PIGR: variants seen among roughly 807,000 people sequenced by gnomAD.
PIGR encodes hepatocellular carcinoma associated protein TB6.
In PIGR, 22 loss-of-function variants were observed where a neutral mutation model predicts 69.5. The observed-to-expected ratio is 0.32, with a 90% CI of 0.23 to 0.45. PIGR has a LOEUF of 0.45. PIGR is among the 20% of genes least tolerant of loss of function. PIGR has a pLI of 1.00. For synonymous variants in PIGR, 413 were observed against 407.6 expected (o/e 1.01, Z -0.16); for missense variants, 885 against 974.0 (o/e 0.91, Z 1.22).
intron 3 of PIGR, among the ~76,000 whole-genome samples, chr1:206,938,619 G>T (rs529331494): frequency 3.3e-5 from 5 of 152,000 alleles, no homozygotes; most frequent in Admixed American, 2.6e-4. Flanking sequence ...TTGGTCTTTG[G>T]TCAAGATCTA....
rs1158792889 is a variant in PIGR, at chr1:206,931,658, G to A, written c.2140+13C>T. 4 of 1,614,122 alleles carry A rather than the reference G, an allele frequency of 2.5e-6. No homozygotes were observed. The highest frequency in any genetic ancestry group is 3.4e-6 in the Non-Finnish European group (4 of 1,180,018). On this transcript the variant is annotated intron_variant, in intron 9 of 10. Coordinates refer to ENST00000356495, the MANE Select transcript of PIGR (RefSeq NM_002644.4). ...CCCCAGGGGCTGAGCATTCCCTTGA[G>A]TGAGGGTCATACCTTCTTTTCCTCC...
chr1:206,937,807 G>A, intron 3 of PIGR, 56 bp from the exon 4 acceptor site: 1 of 1,500,984 alleles, frequency 6.7e-7, no homozygotes, highest in South Asian at 1.2e-5. Context: ...CTACTTTCTT[G>A]CAACATAGGA....
At position 206,933,121 on chromosome 1, in the gene PIGR, T is replaced by G. The variant is rs1460939938; in HGVS notation, c.1751A>C (p.Glu584Ala). The change falls in exon 7 of 11, where the codon GAG becomes GCG. Residue 584 changes from glutamate to alanine, a missense_variant. Physicochemically the swap from Glu to Ala is moderately radical, Grantham distance 107. Coordinates refer to ENST00000356495, the MANE Select transcript of PIGR (RefSeq NM_002644.4). ...SLAKADAAPD[E>A]KVLDSGFREI... ...CCGAAAACCAGAGTCTAGCACCTTC[T>G]CATCAGGAGCAGCGTCTGCCTTCGC... 2 of 1,614,172 alleles carry G rather than the reference T, an allele frequency of 1.2e-6. No homozygotes were observed. The highest frequency in any genetic ancestry group is 2.2e-5 in the South Asian group (2 of 91,086).
At position 206,937,442 on chromosome 1, in the gene PIGR, G is replaced by A; in HGVS notation, c.698C>T (p.Ala233Val). ...CTCGGGCTTTAGCACTTGGAGGTCAGCATTCTTCTTATTACTATTGGAATC... is the reference window on the plus strand; with the variant it reads ...CTCGGGCTTTAGCACTTGGAGGTCAACATTCTTCTTATTACTATTGGAATC... ...GDDSNSNKKNADLQVLKPEPE... is the reference protein window; with the variant it reads ...GDDSNSNKKNVDLQVLKPEPE... Residue 233 changes from alanine (A) to valine (V), a missense_variant, in exon 4 of 11, where the codon GCT becomes GTT. Ala to Val is a moderately conservative substitution (Grantham distance 64). Transcript: ENST00000356495. 6.2e-7 allele frequency: 1 copy of A among 1,614,160 alleles called. No homozygotes were observed. Among genetic ancestry groups the A allele is most frequent in the Non-Finnish European group, 8.5e-7 (1 of 1,180,018 alleles).
chr1:206,932,900 G>C (rs1679784909), intron 7 of PIGR, 86 bp downstream of exon 7: 1 of 1,359,186 alleles, frequency 7.4e-7, no homozygotes, highest in Non-Finnish European at 1.0e-6. Context: ...AGACAGATGG[G>C]CTTTCCTCCT....
chr1:206,940,153 T>C (rs1386346386), intron 2 of PIGR, among the ~76,000 whole-genome samples: 1 of 152,172 alleles, frequency 6.6e-6, no homozygotes, highest in East Asian at 1.9e-4. Context: ...CAGATAAAAA[T>C]ATTGAGAGCC....
At position 206,935,990 on chromosome 1, in the gene PIGR, C is replaced by A. The variant is rs570271394; in HGVS notation, c.1046-172G>T. Among the ~76,000 whole-genome samples the A allele has an allele frequency of 1.3e-5, 2 of 152,288 alleles. No individual in the cohort carries two copies. The highest frequency in any genetic ancestry group is 4.8e-5 in the African/African-American group (2 of 41,566). On this transcript the variant is annotated intron_variant, in intron 4 of 10. Coordinates refer to ENST00000356495, the MANE Select transcript of PIGR (RefSeq NM_002644.4). This position sits in a 1 kb window ranked among gnomAD's most constrained non-coding sequence, Gnocchi z 4.4. ...AGCTTTCCTAATGTCACAGAGCCTGCAGCTGGAGCCATCAGGGCCAGACTC... is the reference window on the plus strand; with the variant it reads ...AGCTTTCCTAATGTCACAGAGCCTGAAGCTGGAGCCATCAGGGCCAGACTC...
chr1:206,931,726 A>C lies in PIGR; in HGVS notation c.2085T>G (p.Asn695Lys), dbSNP rs771582432. ...DFENSREFGANDNMGASSITQ... is the reference protein window; with the variant it reads ...DFENSREFGAKDNMGASSITQ... ...TGATCGAAGAGGCTCCCATGTTGTC[A>C]TTGGCTCCAAATTCCCTGGAGTTCT... The change falls in exon 9 of 11, where the codon AAT becomes AAG. Residue 695 changes from asparagine to lysine, a missense_variant. Transcript: ENST00000356495. 6.2e-7 allele frequency: 1 copy of C among 1,614,034 alleles called. No individual in the cohort carries two copies. Among genetic ancestry groups the C allele is most frequent in the East Asian group, 2.2e-5 (1 of 44,868 alleles).
intron 7 of PIGR, 79 bp from the exon 8 acceptor site, chr1:206,932,656 T>G: frequency 6.8e-7 from 1 of 1,472,978 alleles, no homozygotes; most frequent in Non-Finnish European, 9.1e-7. Context: ...GTTGGCTTAG[T>G]CCTTTTTCCT....
At chr1:206,943,115 A>C (rs1200689536) in intron 1 of PIGR, among the ~76,000 whole-genome samples, 1 of 152,218 alleles carries the variant, frequency 6.6e-6, no homozygotes, top group Non-Finnish European at 1.5e-5. Flanking sequence ...GGCTGGATTT[A>C]AAGGATTTGC....
At chr1:206,933,288 T>C (rs2102597837) in intron 6 of PIGR, 122 bp from the exon 7 acceptor site, 3 of 911,204 alleles carry the variant, frequency 3.3e-6, no homozygotes, top group East Asian at 2.6e-5. Context: ...CTCAAGGCTG[T>C]TGGGGTAGGA....
Position 206,934,526 on chromosome 1 carries a change from C to T in PIGR, c.1599G>A (p.Leu533=), listed in dbSNP as rs1438948601. 6.2e-7 allele frequency: 1 copy of T among 1,614,244 alleles called. No individual in the cohort carries two copies. Among genetic ancestry groups the T allele is most frequent in the Admixed American group, 1.7e-5 (1 of 60,032 alleles). Residue 533 remains leucine, a synonymous_variant, in exon 6 of 11, where the codon CTG becomes CTA. Transcript: ENST00000356495. ...ACCAGCCCTCATCAGCCCTGGTCAC[C>T]AGGTTCAGGGTCAGGGAGACAAGCC... The part of the protein sequence containing the change: ...NSRLVSLTLN[L]VTRADEGWYW...
intron 7 of PIGR, 47 bp downstream of exon 7, chr1:206,932,939 C>T (rs371435753): frequency 3.0e-5 from 48 of 1,588,244 alleles, no homozygotes; most frequent in Non-Finnish European, 3.5e-5. Context: ...CTCAGGTGCT[C>T]GGCTCTGGGG....
At position 206,937,283 on chromosome 1, in the gene PIGR, A is replaced by G. The variant is rs898820148; in HGVS notation, c.857T>C (p.Leu286Pro). The part of the protein sequence containing the change: ...GENCDVVVNT[L>P]GKRAPAFEGR... ...CTCAAAGGCTGGGGCCCTCTTCCCC[A>G]GGGTGTTGACGACCACGTCACAGTT... is the stretch of plus-strand genomic sequence containing the variant. Residue 286 changes from leucine to proline, a missense_variant, in exon 4 of 11, where the codon CTG (leucine) becomes CCG (proline). Leu to Pro is a moderately conservative substitution (Grantham distance 98). Transcript: ENST00000356495. 1 of 1,613,582 alleles carries G rather than the reference A, an allele frequency of 6.2e-7. No individual in the cohort carries two copies. Among genetic ancestry groups the G allele is most frequent in the Non-Finnish European group, 8.5e-7 (1 of 1,179,766 alleles).
intron 2 of PIGR, 36 bp from the exon 3 acceptor site, chr1:206,939,499 T>A (rs1463556163): frequency 6.7e-7 from 1 of 1,484,604 alleles, no homozygotes; most frequent in Admixed American, 1.8e-5. Context: ...TCTGAGGCCC[T>A]TGGGAGGTAA....
intron 7 of PIGR, 103 bp from the exon 8 acceptor site, chr1:206,932,680 A>C: frequency 7.4e-7 from 1 of 1,349,632 alleles, no homozygotes; most frequent in South Asian, 1.5e-5. Context: ...AGGTTTATCC[A>C]CCCCACCCTG....
In PIGR at chr1:206,934,682, G is replaced by A; in HGVS notation, c.1443C>T (p.Pro481=). 1 of 1,613,478 alleles carries A rather than the reference G, an allele frequency of 6.2e-7. No homozygotes were observed. The highest frequency in any genetic ancestry group is 8.5e-7 in the Non-Finnish European group (1 of 1,180,016). The change falls in exon 6 of 11, where the codon CCC becomes CCT. Residue 481 remains proline, a synonymous_variant. Coordinates refer to ENST00000356495, the MANE Select transcript of PIGR (RefSeq NM_002644.4). ...AGGAGAATTTGCATGGAAAGTGACA[G>A]GGGACCTTGAGAGTCTCTCCCAGCA... The part of the protein sequence containing the change: ...TAVLGETLKV[P]CHFPCKFSSY...
At chr1:206,944,067 C>T (rs535652065) in intron 1 of PIGR, among the ~76,000 whole-genome samples, 89 of 152,280 alleles carry the variant, frequency 5.8e-4, no homozygotes, top group African/African-American at 1.9e-3. Flanking sequence ...AGAGGGTCTT[C>T]CTATTGAGAG....
At position 206,937,209 on chromosome 1, in the gene PIGR, C is replaced by A; in HGVS notation, c.931G>T (p.Val311Leu). 6.2e-7 allele frequency: 1 copy of A among 1,614,206 alleles called. No homozygotes were observed. Among genetic ancestry groups the A allele is most frequent in the Non-Finnish European group, 8.5e-7 (1 of 1,180,028 alleles). ...PQDKDGSFSV[V>L]ITGLRKEDAG... is the part of the protein sequence containing the mutation. ...TCCTCCTTCCTCAGGCCTGTGATCA[C>A]CACACTGAATGAGCCATCCTTGTCC... Residue 311 changes from valine (V) to leucine (L), a missense_variant, in exon 4 of 11, where the codon GTG (valine) becomes TTG (leucine). Coordinates refer to ENST00000356495, the MANE Select transcript of PIGR (RefSeq NM_002644.4).
Sources: gnomAD v4.1 joint callset for allele counts (sites outside exome capture counted in the v4.1 genomes callset) on GRCh38, gnomAD v4.1.1 for gene constraint, Gnocchi (gnomAD v3.1) non-coding constraint, MANE v1.5 for transcripts, NCBI Gene and HGNC (gene_info 2026-07-23, HGNC 2026-07-21) for gene names.